Variants in PTPRU observed in about 807,000 individuals in gnomAD.
PTPRU encodes the protein protein tyrosine phosphatase receptor type U, also known as receptor-type tyrosine-protein phosphatase U.
Under a neutral mutation model 166.3 loss-of-function variants are expected in PTPRU, and 69 were observed. That is an observed-to-expected ratio of 0.41 (90% CI 0.34 to 0.51). The LOEUF (loss-of-function observed/expected upper bound fraction) is 0.51, where lower values mean the gene tolerates loss of function less well. PTPRU is among the 20% of genes least tolerant of loss of function. The pLI is 0.09. For missense variants in PTPRU, 1,657 were observed against 2,013.7 expected (o/e 0.82, Z 3.39); for synonymous variants, 793 against 814.0 (o/e 0.97, Z 0.44).
At chr1:29,263,036 G>A (rs538397694) in intron 7 of PTPRU, among the ~76,000 whole-genome samples, 2 of 152,272 alleles carry the variant, frequency 1.3e-5, no homozygotes, top group South Asian at 4.1e-4. Context: ...CCAGGCTGGA[G>A]TGCAGTGGCG....
At chr1:29,285,655 G>C (rs1686308568) in intron 14 of PTPRU, among the ~76,000 whole-genome samples, 1 of 152,220 alleles carries the variant, frequency 6.6e-6, no homozygotes, top group Admixed American at 6.5e-5. Flanking sequence ...GTAGTTCAAG[G>C]CCATCTAGTC....
intron 18 of PTPRU, among the ~76,000 whole-genome samples, chr1:29,307,459 T>G (rs1357343675): frequency 6.6e-6 from 1 of 152,260 alleles, no homozygotes; most frequent in Non-Finnish European, 1.5e-5. Context: ...CTTCCTTCCC[T>G]GGCTCCGCCA....
intron 7 of PTPRU, among the ~76,000 whole-genome samples, chr1:29,268,377 C>G (rs1685394479): frequency 6.6e-6 from 1 of 152,180 alleles, no homozygotes; most frequent in African/African-American, 2.4e-5. Context: ...GAGGACATAA[C>G]CGTTGTCACA....
intron 22 of PTPRU, 122 bp downstream of exon 22, chr1:29,312,828 G>T: frequency 7.8e-7 from 1 of 1,285,706 alleles, no homozygotes; most frequent in South Asian, 1.8e-5. Context: ...CTTAGAGATG[G>T]AGTGCAGGAG....
intron 1 of PTPRU, among the ~76,000 whole-genome samples, chr1:29,242,557 A>G (rs1028371873): frequency 2.0e-5 from 3 of 152,196 alleles, no homozygotes; most frequent in South Asian, 2.1e-4. Flanking sequence ...TAAAAATTCA[A>G]TCCCTCAGTT....
rs762018068 is a variant in PTPRU at position 29,303,896 on chromosome 1, C to T, written c.2518C>T (p.Leu840=). 1 of 1,613,578 alleles carries T rather than the reference C, an allele frequency of 6.2e-7. No homozygotes were observed. The highest frequency in any genetic ancestry group is 8.5e-7 in the Non-Finnish European group (1 of 1,179,560). The part of the protein sequence containing the change: ...SGGVTEASSL[L]GGSPRRPCGR... ...TGGGGTCACTGAGGCCAGCAGCCTC[C>T]TGGGGGGCTCCCCGAGGCGTCCCTG... The change falls in exon 16 of 30, where the codon CTG becomes TTG. Residue 840 remains leucine (L), a synonymous_variant. Coordinates refer to ENST00000373779, the MANE Select transcript of PTPRU (RefSeq NM_133178.4).
intron 1 of PTPRU, among the ~76,000 whole-genome samples, chr1:29,240,057 C>G (rs1683971809): frequency 1.3e-5 from 2 of 152,036 alleles, no homozygotes; most frequent in Admixed American, 1.3e-4. Context: ...ACCCAAATGC[C>G]CACAGCCTGC....
intron 1 of PTPRU, among the ~76,000 whole-genome samples, chr1:29,248,539 C>T (rs1445997540): frequency 6.6e-6 from 1 of 152,118 alleles, no homozygotes; most frequent in Non-Finnish European, 1.5e-5. Flanking sequence ...CTCCTGGGAC[C>T]ACTCTTGGGA....
At position 29,317,381 on chromosome 1, in the gene PTPRU, C is replaced by A. The variant is rs1687946071; in HGVS notation, c.3514-367C>A. On this transcript the variant is annotated intron_variant, in intron 24 of 29. Transcript: ENST00000373779. The surrounding 1 kb of genome is among the most constrained non-coding windows in gnomAD (Gnocchi z 5.6). ...TCAGCTAGTAAAGTTCCTCACTGTG[C>A]CCGTGTGTGCCGAGCTCAGCCCAGT... Among the ~76,000 whole-genome samples, 1 of 152,122 alleles carries A rather than the reference C, an allele frequency of 6.6e-6. No homozygotes were observed. The highest frequency in any genetic ancestry group is 1.5e-5 in the Non-Finnish European group (1 of 68,018).
At chr1:29,274,523 T>G (rs1574646438) in intron 7 of PTPRU, among the ~76,000 whole-genome samples, 2 of 152,308 alleles carry the variant, frequency 1.3e-5, no homozygotes, top group South Asian at 4.1e-4. Flanking sequence ...GGACCTAATG[T>G]CATGTATTTC....
At chr1:29,261,767 A>C (rs746242395) in intron 7 of PTPRU, among the ~76,000 whole-genome samples, 2 of 151,948 alleles carry the variant, frequency 1.3e-5, no homozygotes, top group Non-Finnish European at 2.9e-5. Context: ...TCCTGACCTC[A>C]GGTGATCCAC....
intron 1 of PTPRU, among the ~76,000 whole-genome samples, chr1:29,243,329 G>A (rs1030037021): frequency 1.3e-5 from 2 of 152,200 alleles, no homozygotes; most frequent in Non-Finnish European, 2.9e-5. Flanking sequence ...CCAAACCCTA[G>A]CATAGCACAT....
At chr1:29,301,664 A>C (rs1273643110) in intron 15 of PTPRU, among the ~76,000 whole-genome samples, 1 of 152,116 alleles carries the variant, frequency 6.6e-6, no homozygotes, top group Non-Finnish European at 1.5e-5. Context: ...TACATGTGCC[A>C]TGTTGGTGTG....
At position 29,282,819 on chromosome 1, in the gene PTPRU, C is replaced by G; in HGVS notation, c.2012C>G (p.Ala671Gly). ...LVHYFGAELA[A>G]SSLPEAMPFT... ...CACTACTTCGGGGCCGAACTGGCGG[C>G]CAGCAGTCTACCTGAGGCCATGCCC... The change falls in exon 12 of 30, where the codon GCC becomes GGC. Residue 671 changes from alanine (A) to glycine (G), a missense_variant. This residue lies in a region of PTPRU where 1,190 missense variants were observed against 1,477.4 expected (regional missense o/e 0.81). Coordinates refer to ENST00000373779, the MANE Select transcript of PTPRU (RefSeq NM_133178.4). 1.2e-6 allele frequency: 2 copies of G among 1,614,148 alleles called. No individual in the cohort carries two copies. Among genetic ancestry groups the G allele is most frequent in the Non-Finnish European group, 1.7e-6 (2 of 1,180,020 alleles).
rs532193157 is a variant in PTPRU, at chr1:29,303,910, G to T, written c.2532G>T (p.Pro844=). The T allele has an allele frequency of 6.2e-7, 1 of 1,613,760 alleles. No homozygotes were observed. The highest frequency in any genetic ancestry group is 8.5e-7 in the Non-Finnish European group (1 of 1,179,688). The change falls in exon 16 of 30, where the codon CCG becomes CCT. Residue 844 remains proline, a synonymous_variant. Coordinates refer to ENST00000373779, the MANE Select transcript of PTPRU (RefSeq NM_133178.4). ...CCAGCAGCCTCCTGGGGGGCTCCCC[G>T]AGGCGTCCCTGTGGCCGGAAGGGCT... ...TEASSLLGGS[P]RRPCGRKGSP...
intron 18 of PTPRU, among the ~76,000 whole-genome samples, chr1:29,309,011 G>T (rs530624054): frequency 2.0e-5 from 3 of 152,316 alleles, no homozygotes; most frequent in Non-Finnish European, 4.4e-5. Context: ...AGGGAATTGG[G>T]CTAGACGTGG....
At chr1:29,278,715 C>G (rs1170619746) in intron 8 of PTPRU, among the ~76,000 whole-genome samples, 1 of 152,238 alleles carries the variant, frequency 6.6e-6, no homozygotes, top group Non-Finnish European at 1.5e-5. Context: ...GTATTTCTCT[C>G]CTGAATGCAA....
At position 29,255,285 on chromosome 1, in the gene PTPRU, C is replaced by T. The variant is rs200999797; in HGVS notation, c.84C>T (p.Thr28=). 5 of 1,613,612 alleles carry T rather than the reference C, an allele frequency of 3.1e-6. No individual in the cohort carries two copies. The highest frequency in any genetic ancestry group is 2.2e-5 in the South Asian group (2 of 91,060). The change falls in exon 2 of 30, where the codon ACC becomes ACT. Residue 28 remains threonine, a synonymous_variant. Transcript: ENST00000373779. ...GCCCTGCTCTCACAGCTGGCTGCAC[C>T]TTCGAGGAGGCAAGTGACCCAGCAG... ...PETETPAAGC[T]FEEASDPAVP...
At chr1:29,255,147 G>A (rs997339687) in intron 1 of PTPRU, 128 bp from the exon 2 acceptor site, 12 of 1,134,788 alleles carry the variant, frequency 1.1e-5, no homozygotes, top group Non-Finnish European at 3.7e-6. Flanking sequence ...AGCAGTGTGG[G>A]GAAGGGCCTG....
Sources: gnomAD v4.1 joint callset for allele counts (sites outside exome capture counted in the v4.1 genomes callset) on GRCh38, gnomAD v4.1.1 for gene constraint, gnomAD v4.1.1 regional missense constraint, Gnocchi (gnomAD v3.1) non-coding constraint, MANE v1.5 for transcripts, NCBI Gene and HGNC (gene_info 2026-07-23, HGNC 2026-07-21) for gene names.